The following GALNT14 variants were observed in gnomAD, a reference collection of about 807,000 sequenced individuals.
GALNT14 encodes the protein UDP-GalNAc:polypeptide N-acetylgalactosaminyltransferase 14.
In GALNT14, 60 loss-of-function variants were observed where a neutral mutation model predicts 77.5. The ratio of observed to expected loss-of-function variants is 0.77; its 90% CI spans 0.63 to 0.96. The LOEUF is 0.96. GALNT14 is among the 40% of genes least tolerant of loss of function. The pLI, the probability that GALNT14 is intolerant of heterozygous loss-of-function variation, is 0.00. For missense variants in GALNT14, 710 were observed against 731.0 expected, an observed-to-expected ratio of 0.97 and a Z score of 0.33; for synonymous variants, 280 against 281.7, an observed-to-expected ratio of 0.99 and a Z score of 0.06.
intron 9 of GALNT14, among the ~76,000 whole-genome samples, chr2:30,932,819 G>C (rs564510429): frequency 6.6e-6 from 1 of 152,210 alleles, no homozygotes; most frequent in Non-Finnish European, 1.5e-5. Context: ...AGAGCCACCT[G>C]AATCATAACC....
intron 1 of GALNT14, among the ~76,000 whole-genome samples, chr2:31,061,752 C>T (rs1280323307): frequency 6.6e-6 from 1 of 152,182 alleles, no homozygotes; most frequent in Non-Finnish European, 1.5e-5. Context: ...TTGGCTCATG[C>T]TATTTCCCCT....
downstream of GALNT14, among the ~76,000 whole-genome samples, chr2:30,906,172 G>T (rs1311175871): frequency 6.7e-6 from 1 of 149,742 alleles, no homozygotes; most frequent in Non-Finnish European, 1.5e-5. Flanking sequence ...AAAATAACCA[G>T]CTAACATCAT....
At chr2:30,982,039 C>A (rs1357839567) in intron 2 of GALNT14, among the ~76,000 whole-genome samples, 1 of 152,170 alleles carries the variant, frequency 6.6e-6, no homozygotes, top group Non-Finnish European at 1.5e-5. Flanking sequence ...GTGCCTGGTT[C>A]TTGGGCAAAA....
At chr2:30,987,473 T>C (rs552856516) in intron 2 of GALNT14, among the ~76,000 whole-genome samples, 3 of 152,314 alleles carry the variant, frequency 2.0e-5, no homozygotes, top group East Asian at 1.9e-4. Context: ...ACACTCCACA[T>C]AGACTGGACT....
rs1246410677 is a variant in GALNT14 at position 30,929,387 on chromosome 2, A to G, written c.1151+8T>C. On this transcript the variant is annotated splice_region_variant and intron_variant, in intron 11 of 14. Coordinates refer to ENST00000349752, the MANE Select transcript of GALNT14 (RefSeq NM_024572.4). Reference sequence around the variant, plus strand: ...TCTCTGCCCTCCTCAACCTGAAGGGACACTTACTTCCCGAAGGGCCTCTCC... The same window carrying G: ...TCTCTGCCCTCCTCAACCTGAAGGGGCACTTACTTCCCGAAGGGCCTCTCC... 7.4e-6 allele frequency: 12 copies of G among 1,610,860 alleles called. 1 individual carries two copies. The African/African-American group carries it at 9.4e-5, about 13-fold the overall frequency.
intron 1 of GALNT14, among the ~76,000 whole-genome samples, chr2:31,104,061 C>T (rs1485688687): frequency 6.6e-6 from 1 of 152,130 alleles, no homozygotes; most frequent in African/African-American, 2.4e-5. Flanking sequence ...TGTTGTTTCG[C>T]TGTCTTCTGG....
At chr2:30,902,168 T>C in the GALNT14 span, among the ~76,000 whole-genome samples, 3 of 152,190 alleles carry the variant, frequency 2.0e-5, no homozygotes, top group Non-Finnish European at 4.4e-5. Flanking sequence ...GGCTGGAGAA[T>C]GTCACTATCC....
At chr2:31,076,629 A>ATATATATATATATATATAT (rs1553373502) in intron 1 of GALNT14, among the ~76,000 whole-genome samples, 44 of 101,906 alleles carry the variant, frequency 4.3e-4, no homozygotes, top group African/African-American at 1.4e-3. Flanking sequence ...ATATATATAT[A>ATATATATATATATATATAT]TTTTTTTTTT....
chr2:30,963,924 A>T (rs946543061), intron 3 of GALNT14, among the ~76,000 whole-genome samples: 4 of 152,230 alleles, frequency 2.6e-5, no homozygotes, highest in Non-Finnish European at 4.4e-5. Flanking sequence ...CTTGGTTAGG[A>T]TACTGAGCCA....
chr2:31,118,260 A>C (rs1678213839), intron 1 of GALNT14, among the ~76,000 whole-genome samples: 1 of 152,208 alleles, frequency 6.6e-6, no homozygotes, highest in African/African-American at 2.4e-5. Flanking sequence ...CTGCTAAAAA[A>C]CTTCCCTAAT....
intron 1 of GALNT14, among the ~76,000 whole-genome samples, chr2:31,015,974 G>T (rs1671324655): frequency 6.6e-6 from 1 of 152,156 alleles, no homozygotes; most frequent in Admixed American, 6.6e-5. Context: ...ATCTAGAATG[G>T]GTAGAGGAGG....
At chr2:31,036,709 T>G (rs1672758495) in intron 1 of GALNT14, among the ~76,000 whole-genome samples, 1 of 152,180 alleles carries the variant, frequency 6.6e-6, no homozygotes, top group South Asian at 2.1e-4. Context: ...TTCTCTCAGT[T>G]TTTGTTTATT....
chr2:30,931,257 C>A (rs577321793), intron 10 of GALNT14, among the ~76,000 whole-genome samples: 3 of 152,078 alleles, frequency 2.0e-5, no homozygotes, highest in South Asian at 2.1e-4. Context: ...GCTCCCCCTA[C>A]CCCAATGGAC....
intron 1 of GALNT14, among the ~76,000 whole-genome samples, chr2:31,079,738 T>C (rs185705087): frequency 6.6e-6 from 1 of 152,138 alleles, no homozygotes; most frequent in Non-Finnish European, 1.5e-5. Flanking sequence ...AAAGTGGTGG[T>C]ATCAGATAAG....
chr2:31,087,687 C>T (rs916074160), intron 1 of GALNT14, among the ~76,000 whole-genome samples: 13 of 152,120 alleles, frequency 8.5e-5, no homozygotes, highest in African/African-American at 3.1e-4. Context: ...GAGGGAGCAG[C>T]CAACCGTGTG....
At chr2:30,893,416 A>C in the GALNT14 span, among the ~76,000 whole-genome samples, 2 of 152,224 alleles carry the variant, frequency 1.3e-5, no homozygotes, top group African/African-American at 4.8e-5. Flanking sequence ...TTCCAGGAAA[A>C]ACAAAAGATT....
intron 1 of GALNT14, among the ~76,000 whole-genome samples, chr2:31,004,015 A>C (rs1468799683): frequency 6.6e-6 from 1 of 151,868 alleles, no homozygotes; most frequent in African/African-American, 2.4e-5. Flanking sequence ...TGAACCCAAA[A>C]CTCCCTTATG....
chr2:31,078,940 C>G (rs1017321900), intron 1 of GALNT14: 3 of 1,289,282 alleles, frequency 2.3e-6, no homozygotes, highest in Admixed American at 4.6e-5. Flanking sequence ...TCACTGGACA[C>G]GACTCATCTT....
At chr2:30,998,681 G>A (rs916494816) in intron 1 of GALNT14, among the ~76,000 whole-genome samples, 1 of 152,128 alleles carries the variant, frequency 6.6e-6, no homozygotes, top group African/African-American at 2.4e-5. Flanking sequence ...CATAATTGGG[G>A]GTATGTAGGC....
Sources: gnomAD v4.1 joint callset for allele counts (sites outside exome capture counted in the v4.1 genomes callset) on GRCh38, gnomAD v4.1.1 for gene constraint, MANE v1.5 for transcripts, NCBI Gene and HGNC (gene_info 2026-07-23, HGNC 2026-07-21) for gene names.